ROBO1: variants seen among roughly 807,000 people sequenced by gnomAD.
ROBO1 encodes the protein roundabout homolog 1.
In ROBO1, 149 loss-of-function variants were observed where a neutral mutation model predicts 195.9. The observed-to-expected ratio is 0.76, with a 90% CI of 0.67 to 0.87. ROBO1 has a LOEUF of 0.87. Among genes scored for constraint, ROBO1 ranks in the 40% least tolerant of loss-of-function variants. ROBO1 has a pLI of 0.00. For missense variants in ROBO1, 1,933 were observed against 2,068.3 expected (o/e 0.93, Z 1.27); for synonymous variants, 816 against 733.2 (o/e 1.11, Z -1.82).
At chr3:78,861,623 T>C (rs911735197) in intron 4 of ROBO1, among the ~76,000 whole-genome samples, 4 of 152,198 alleles carry the variant, frequency 2.6e-5, no homozygotes, top group African/African-American at 7.2e-5. Flanking sequence ...GTTATGTTGT[T>C]CATAAGACAA....
chr3:79,390,278 G>A (rs2036898954), intron 2 of ROBO1, among the ~76,000 whole-genome samples: 1 of 151,708 alleles, frequency 6.6e-6, no homozygotes, highest in African/African-American at 2.4e-5. Flanking sequence ...TAGGATACCG[G>A]CTCTGAAACA....
At chr3:78,825,887 T>G (rs1005076385) in intron 4 of ROBO1, among the ~76,000 whole-genome samples, 4 of 152,184 alleles carry the variant, frequency 2.6e-5, no homozygotes, top group Non-Finnish European at 2.9e-5. Flanking sequence ...GAATGATGAC[T>G]CCTGCTAAGA....
chr3:79,269,020 CT>C (rs1380881187), intron 2 of ROBO1, among the ~76,000 whole-genome samples: 1 of 151,610 alleles, frequency 6.6e-6, no homozygotes. Context: ...GACCAATTCG[CT>C]TTCCAGAGGG....
intron 2 of ROBO1, among the ~76,000 whole-genome samples, chr3:79,574,192 C>A (rs989536101): frequency 6.6e-6 from 1 of 152,044 alleles, no homozygotes; most frequent in Non-Finnish European, 1.5e-5. Flanking sequence ...ATCTCTGAGT[C>A]TATCAGACAT....
At chr3:79,076,226 T>C (rs1379440421) in intron 3 of ROBO1, among the ~76,000 whole-genome samples, 1 of 147,894 alleles carries the variant, frequency 6.8e-6, no homozygotes, top group Non-Finnish European at 1.5e-5. Flanking sequence ...GGCATATATG[T>C]TACTTATATA....
chr3:78,677,850 C>T (rs1311682662), intron 10 of ROBO1, among the ~76,000 whole-genome samples: 85 of 152,130 alleles, frequency 5.6e-4, no homozygotes, highest in African/African-American at 2.0e-3. Context: ...GAACTCTCCA[C>T]CCCAAATCAA....
intron 3 of ROBO1, among the ~76,000 whole-genome samples, chr3:79,056,522 C>T (rs1311538347): frequency 2.0e-5 from 3 of 152,116 alleles, no homozygotes; most frequent in Non-Finnish European, 4.4e-5. Context: ...AAAAAGTTCA[C>T]ATTCGGAGAG....
At chr3:79,495,312 T>C (rs1351327026) in intron 2 of ROBO1, among the ~76,000 whole-genome samples, 2 of 152,212 alleles carry the variant, frequency 1.3e-5, no homozygotes, top group African/African-American at 4.8e-5. Context: ...TAATTCAAAG[T>C]GTACTCTGAC....
intron 4 of ROBO1, among the ~76,000 whole-genome samples, chr3:78,819,409 T>C (rs1434948170): frequency 6.9e-6 from 1 of 144,998 alleles, no homozygotes; most frequent in Non-Finnish European, 1.5e-5. Flanking sequence ...AATTTCTTTG[T>C]AGAATATGGA....
chr3:79,533,461 G>A (rs1386316484), intron 2 of ROBO1, among the ~76,000 whole-genome samples: 4 of 152,012 alleles, frequency 2.6e-5, no homozygotes, highest in Non-Finnish European at 4.4e-5. Context: ...CATCAAATTA[G>A]TAGTAAATAT....
chr3:79,456,969 A>AT (rs2039637879), intron 2 of ROBO1, among the ~76,000 whole-genome samples: 1 of 152,128 alleles, frequency 6.6e-6, no homozygotes. Context: ...TCCAGAGTTA[A>AT]TTTTTTCTTC....
chr3:79,539,713 TCA>T (rs1941996097), intron 2 of ROBO1, among the ~76,000 whole-genome samples: 1 of 152,078 alleles, frequency 6.6e-6, no homozygotes. Flanking sequence ...GTGTAGAGTA[TCA>T]CACTGTTAAT....
intron 2 of ROBO1, among the ~76,000 whole-genome samples, chr3:79,420,135 A>G (rs1165743987): frequency 1.3e-5 from 2 of 152,110 alleles, no homozygotes; most frequent in Non-Finnish European, 2.9e-5. Context: ...TTATATTCCT[A>G]CCTGAACAGG....
intron 28 of ROBO1, among the ~76,000 whole-genome samples, chr3:78,610,018 G>A (rs960844071): frequency 2.0e-5 from 3 of 152,096 alleles, no homozygotes; most frequent in Non-Finnish European, 4.4e-5. Context: ...GTTTTACTTA[G>A]GAATGATTAT....
At chr3:79,054,508 CT>C (rs1268982457) in intron 3 of ROBO1, among the ~76,000 whole-genome samples, 2 of 152,054 alleles carry the variant, frequency 1.3e-5, no homozygotes, top group African/African-American at 4.8e-5. Context: ...TATATTAAAG[CT>C]TGTGAAGGCA....
intron 2 of ROBO1, among the ~76,000 whole-genome samples, chr3:79,344,844 T>C (rs1397317562): frequency 1.3e-5 from 2 of 152,078 alleles, no homozygotes; most frequent in Admixed American, 6.6e-5. Flanking sequence ...GTTTCGCCCA[T>C]GCTGGTCTCA....
At chr3:78,806,071 C>T (rs1480692136) in intron 4 of ROBO1, among the ~76,000 whole-genome samples, 1 of 151,768 alleles carries the variant, frequency 6.6e-6, no homozygotes, top group Non-Finnish European at 1.5e-5. Context: ...GCGATCCTCT[C>T]ACCTAGGCCT....
chr3:79,295,178 G>A (rs180723849), intron 2 of ROBO1, among the ~76,000 whole-genome samples: 4 of 152,240 alleles, frequency 2.6e-5, no homozygotes, highest in East Asian at 3.9e-4. Context: ...ATTCACAATA[G>A]CAAATACCTG....
At chr3:79,699,340 G>T (rs1239191821) in intron 1 of ROBO1, among the ~76,000 whole-genome samples, 2 of 151,388 alleles carry the variant, frequency 1.3e-5, no homozygotes, top group African/African-American at 2.4e-5. Flanking sequence ...CCCCTACATG[G>T]CAACAGAACA....
Sources: allele counts gnomAD v4.1 joint callset (sites outside exome capture counted in the v4.1 genomes callset), GRCh38; gene constraint gnomAD v4.1.1; transcripts MANE v1.5; gene names NCBI Gene and HGNC (gene_info 2026-07-23, HGNC 2026-07-21).